The following ARHGAP17 variants were observed in gnomAD, a reference collection of about 807,000 sequenced individuals.
ARHGAP17 encodes rho GTPase-activating protein 17.
Under a neutral mutation model 99.5 loss-of-function variants are expected in ARHGAP17, and 57 were observed. The observed-to-expected ratio is 0.57, with a 90% CI of 0.46 to 0.71. ARHGAP17 has a LOEUF of 0.71. ARHGAP17 is among the 30% of genes least tolerant of loss of function. The pLI is 0.00. For synonymous variants in ARHGAP17, 417 were observed against 429.6 expected, an observed-to-expected ratio of 0.97 and a Z score of 0.36; for missense variants, 1,000 against 1,122.4, an observed-to-expected ratio of 0.89 and a Z score of 1.56.
intron 19 of ARHGAP17, among the ~76,000 whole-genome samples, chr16:24,925,107 G>A (rs1400249270): frequency 3.9e-5 from 6 of 152,104 alleles, no homozygotes; most frequent in African/African-American, 9.7e-5. Context: ...GGCCAGGTGC[G>A]GTGGCTCATG....
At position 24,942,210 on chromosome 16, in the gene ARHGAP17, C is replaced by G. The variant is rs148255484; in HGVS notation, c.1334-67G>C. 3.4e-4 allele frequency: 506 copies of G among 1,486,640 alleles called. 3 individuals are homozygous for G. In the African/African-American group the frequency reaches 6.4e-3, roughly 19 times the overall value. 92.1% of individuals were successfully genotyped at this position (1,486,640 alleles called of 1,614,324 possible). On this transcript the variant is annotated intron_variant, in intron 15 of 19. Coordinates refer to ENST00000289968, the MANE Select transcript of ARHGAP17 (RefSeq NM_001006634.3). ...CAGCAGGCGAGGGAGCTCTAAGACA[C>G]CCCTCATTGGAACGGGAACCTCGTT...
At chr16:24,933,729 C>T (rs1390694188) in intron 18 of ARHGAP17, among the ~76,000 whole-genome samples, 2 of 146,744 alleles carry the variant, frequency 1.4e-5, no homozygotes, top group African/African-American at 2.5e-5. Context: ...GGAGAGGGAG[C>T]GTGGGAGCAA....
At chr16:24,988,678 C>T (rs543125682) in intron 1 of ARHGAP17, among the ~76,000 whole-genome samples, 49 of 152,294 alleles carry the variant, frequency 3.2e-4, no homozygotes, top group Non-Finnish European at 5.6e-4. Context: ...TGTAAGCTTA[C>T]CCACGCAGCG....
At chr16:24,970,684 C>T in intron 3 of ARHGAP17, 104 bp from the exon 4 acceptor site, 1 of 1,049,678 alleles carries the variant, frequency 9.5e-7, no homozygotes, top group South Asian at 1.3e-5. Context: ...AGGCAAATTA[C>T]ACAGGTAGGA....
intron 6 of ARHGAP17, among the ~76,000 whole-genome samples, chr16:24,967,119 T>C (rs367835289): frequency 2.6e-5 from 4 of 152,264 alleles, no homozygotes; most frequent in African/African-American, 7.2e-5. Context: ...ATCTCTGGCA[T>C]GTGGCAAGAG....
At chr16:24,991,787 T>C (rs1291722221) in intron 1 of ARHGAP17, among the ~76,000 whole-genome samples, 1 of 152,180 alleles carries the variant, frequency 6.6e-6, no homozygotes, top group Non-Finnish European at 1.5e-5. Context: ...CATCCGAGGA[T>C]GGACTTACTT....
chr16:24,946,120 C>T (rs2051464997), intron 14 of ARHGAP17, among the ~76,000 whole-genome samples: 1 of 152,036 alleles, frequency 6.6e-6, no homozygotes, highest in Non-Finnish European at 1.5e-5. Context: ...ATCCCCCGAC[C>T]CCTCCTCTAT....
intron 17 of ARHGAP17, among the ~76,000 whole-genome samples, chr16:24,938,897 T>C (rs986521948): frequency 6.6e-6 from 1 of 152,202 alleles, no homozygotes; most frequent in Non-Finnish European, 1.5e-5. Context: ...TCACCTCATG[T>C]GCCTAGCACA....
At chr16:25,004,785 G>T (rs547574817) in intron 1 of ARHGAP17, among the ~76,000 whole-genome samples, 27 of 152,336 alleles carry the variant, frequency 1.8e-4, no homozygotes, top group Admixed American at 5.2e-4. Context: ...AAAAAGAAGA[G>T]CTGTGGGAAA....
At chr16:24,994,867 T>C (rs1252185702) in intron 1 of ARHGAP17, among the ~76,000 whole-genome samples, 2 of 152,168 alleles carry the variant, frequency 1.3e-5, no homozygotes, top group African/African-American at 4.8e-5. Context: ...ACCACTATTA[T>C]AACCTGTATT....
At chr16:24,954,878 A>G in intron 9 of ARHGAP17, 148 bp from the exon 10 acceptor site, 2 of 1,171,740 alleles carry the variant, frequency 1.7e-6, no homozygotes, top group Non-Finnish European at 2.4e-6. Flanking sequence ...TGCTTTTGTT[A>G]TTTGCCATCT....
chr16:24,960,050 T>C (rs1260822823), intron 7 of ARHGAP17, 71 bp from the exon 8 acceptor site: 1 of 1,412,268 alleles, frequency 7.1e-7, no homozygotes, highest in Non-Finnish European at 1.0e-6. Flanking sequence ...GAGAACAATC[T>C]CTGTGAGCTC....
At chr16:24,937,921 A>C (rs768999791) in intron 17 of ARHGAP17, among the ~76,000 whole-genome samples, 14 of 152,224 alleles carry the variant, frequency 9.2e-5, no homozygotes, top group Non-Finnish European at 1.5e-4. Flanking sequence ...CCAATGCAGA[A>C]CATATGACAA....
At chr16:24,971,688 C>T (rs544415884) in intron 3 of ARHGAP17, among the ~76,000 whole-genome samples, 4 of 152,222 alleles carry the variant, frequency 2.6e-5, no homozygotes, top group Non-Finnish European at 2.9e-5. Flanking sequence ...TACCTAAAAA[C>T]TTCTAGCTAA....
At chr16:24,936,276 AT>A (rs2051136618) in intron 17 of ARHGAP17, 1 of 156,388 alleles carries the variant, frequency 6.4e-6, no homozygotes, top group Non-Finnish European at 1.4e-5. Flanking sequence ...CAGGATAGAG[AT>A]CAGAATTCAG....
intron 12 of ARHGAP17, 50 bp from the exon 13 acceptor site, chr16:24,949,534 CTTA>C (rs1232465467): frequency 1.3e-6 from 2 of 1,501,060 alleles, no homozygotes; most frequent in East Asian, 4.5e-5. Context: ...CACCAATTAT[CTTA>C]TTAATATGCT....
At chr16:24,942,278 G>A (rs2141190534) in intron 15 of ARHGAP17, 135 bp from the exon 16 acceptor site, 1 of 837,708 alleles carries the variant, frequency 1.2e-6, no homozygotes, top group Non-Finnish European at 1.8e-6. Flanking sequence ...GAAGCTCCAG[G>A]CACTCACATC....
intron 4 of ARHGAP17, among the ~76,000 whole-genome samples, chr16:24,969,203 G>T (rs1301566067): frequency 1.3e-5 from 2 of 152,128 alleles, no homozygotes; most frequent in African/African-American, 4.8e-5. Context: ...ACACTTAAGG[G>T]CCCTGTTACA....
chr16:24,972,643 A>T (rs760583314), intron 3 of ARHGAP17: 2 of 152,196 alleles, frequency 1.3e-5, no homozygotes, highest in Non-Finnish European at 2.9e-5. Flanking sequence ...CCTATTAAAG[A>T]TCAATGCAAT....
Sources: gnomAD v4.1 joint callset for allele counts (sites outside exome capture counted in the v4.1 genomes callset) on GRCh38, gnomAD v4.1.1 for gene constraint, MANE v1.5 for transcripts, NCBI Gene and HGNC (gene_info 2026-07-23, HGNC 2026-07-21) for gene names.